Variants in VAPA observed in about 807,000 individuals in gnomAD.
The protein encoded by VAPA is vesicle-associated membrane protein-associated protein A.
Under a neutral mutation model 25.6 loss-of-function variants are expected in VAPA, and 6 were observed. The observed-to-expected ratio is 0.23, with a 90% confidence interval of 0.13 to 0.46. The LOEUF is 0.46. VAPA is among the 20% of genes least tolerant of loss of function. VAPA has a pLI of 0.99. For missense variants in VAPA, 244 were observed against 302.1 expected (o/e 0.81, Z 1.43); for synonymous variants, 112 against 106.2 (o/e 1.05, Z -0.34).
rs200684323 is a variant in VAPA, at chr18:9,914,267, C to T, written c.11C>T (p.Ala4Val). 3 of 1,585,286 alleles carry T rather than the reference C, an allele frequency of 1.9e-6. No homozygotes were observed. Among genetic ancestry groups the T allele is most frequent in the Non-Finnish European group, 2.6e-6 (3 of 1,167,444 alleles). Residue 4 changes from alanine (A) to valine (V), a missense_variant, in exon 1 of 6, where the codon GCC (alanine) becomes GTC (valine). Ala to Val is a moderately conservative substitution (Grantham distance 64). Transcript: ENST00000400000. Reference protein sequence around the residue: MASASGAMAKHEQI... With the variant: MASVSGAMAKHEQI... Reference sequence around the variant, plus strand: ...TGCGCTGTCTCTCCGATGGCGTCCGCCTCAGGGGCCATGGCGAAGCACGAG... The same window carrying T: ...TGCGCTGTCTCTCCGATGGCGTCCGTCTCAGGGGCCATGGCGAAGCACGAG...
At chr18:9,936,749 G>C in intron 3 of VAPA, 1 of 437,764 alleles carries the variant, frequency 2.3e-6, no homozygotes, top group Middle Eastern at 3.6e-4. Context: ...TAAGAAGAAA[G>C]TCCTATGGTT....
intron 2 of VAPA, among the ~76,000 whole-genome samples, chr18:9,934,233 T>G (rs2069285697): frequency 6.6e-6 from 1 of 152,242 alleles, no homozygotes; most frequent in South Asian, 2.1e-4. Context: ...CTTTTGACGC[T>G]TTGTTTTTTG....
At chr18:9,924,600 C>T (rs1441436810) in intron 1 of VAPA, among the ~76,000 whole-genome samples, 1 of 152,090 alleles carries the variant, frequency 6.6e-6, no homozygotes, top group Non-Finnish European at 1.5e-5. Context: ...ACTCCTAAAA[C>T]GTTTAAGGTA....
chr18:9,914,979 GC>G (rs142807963), intron 1 of VAPA: 9,073 of 152,472 alleles, frequency 0.06, 296 homozygotes, highest in South Asian at 0.14. Context: ...TTAGAACTCG[GC>G]CGTCAGGTGT....
chr18:9,950,237 G>A, intron 4 of VAPA, 158 bp from the exon 5 acceptor site: 1 of 657,020 alleles, frequency 1.5e-6, no homozygotes, highest in Non-Finnish European at 2.6e-6. Context: ...AGAGGGAGTG[G>A]GCTGGTTATT....
At chr18:9,931,154 A>G (rs187174956) in intron 1 of VAPA, among the ~76,000 whole-genome samples, 7 of 152,282 alleles carry the variant, frequency 4.6e-5, no homozygotes, top group Admixed American at 3.9e-4. Flanking sequence ...ACAGGTATTT[A>G]TTTTGTTGTC....
intron 1 of VAPA, among the ~76,000 whole-genome samples, chr18:9,918,394 C>G (rs780402838): frequency 6.6e-6 from 1 of 152,134 alleles, no homozygotes; most frequent in Non-Finnish European, 1.5e-5. Flanking sequence ...TTTCCAGTTA[C>G]TCACCTTTTA....
intron 2 of VAPA, 22 bp downstream of exon 2, chr18:9,931,984 T>G (rs2069260096): frequency 6.6e-7 from 1 of 1,515,942 alleles, no homozygotes; most frequent in African/African-American, 1.4e-5. Flanking sequence ...TGTTCTGAAT[T>G]TATGTACATT....
chr18:9,916,520 A>C (rs2069113384), intron 1 of VAPA, among the ~76,000 whole-genome samples: 1 of 152,216 alleles, frequency 6.6e-6, no homozygotes, highest in Non-Finnish European at 1.5e-5. Context: ...CTGGTACTTA[A>C]ATGCCCAATA....
At chr18:9,925,256 A>G (rs935477800) in intron 1 of VAPA, among the ~76,000 whole-genome samples, 2 of 151,698 alleles carry the variant, frequency 1.3e-5, no homozygotes, top group Admixed American at 6.6e-5. Flanking sequence ...ATTGTATAAT[A>G]TGATTGTATA....
chr18:9,951,618 A>G (rs29112), intron 5 of VAPA, among the ~76,000 whole-genome samples: 240 of 152,358 alleles, frequency 1.6e-3, no homozygotes, highest in Non-Finnish European at 3.0e-3. Flanking sequence ...TTGACAAGTA[A>G]TTACTTGTTT....
At chr18:9,917,308 ATTTTT>A (rs1436257084) in intron 1 of VAPA, among the ~76,000 whole-genome samples, 1 of 151,932 alleles carries the variant, frequency 6.6e-6, no homozygotes, top group South Asian at 2.1e-4. Context: ...GTTTTTTTAA[ATTTTT>A]TTATTTTTTG....
At chr18:9,938,507 G>A (rs796612649) in intron 4 of VAPA, among the ~76,000 whole-genome samples, 21 of 152,306 alleles carry the variant, frequency 1.4e-4, no homozygotes, top group African/African-American at 3.9e-4. Context: ...ATCCAAGAAA[G>A]TAGTTTTGGG....
At chr18:9,923,090 G>GT (rs2143298263) in intron 1 of VAPA, among the ~76,000 whole-genome samples, 1 of 152,154 alleles carries the variant, frequency 6.6e-6, no homozygotes, top group East Asian at 1.9e-4. Context: ...AGAAACCTCC[G>GT]TATCATTTTT....
intron 1 of VAPA, among the ~76,000 whole-genome samples, chr18:9,923,019 A>G (rs997587642): frequency 6.6e-6 from 1 of 152,234 alleles, no homozygotes; most frequent in South Asian, 2.1e-4. Context: ...TGTAATTGTT[A>G]TTCTGTAACA....
intron 1 of VAPA, among the ~76,000 whole-genome samples, chr18:9,924,232 T>C (rs572914299): frequency 6.6e-6 from 1 of 152,332 alleles, no homozygotes; most frequent in South Asian, 2.1e-4. Context: ...TACCTTCTTT[T>C]CTATTTCTTT....
At chr18:9,937,754 A>G (rs552055028) in intron 4 of VAPA, among the ~76,000 whole-genome samples, 83 of 152,230 alleles carry the variant, frequency 5.5e-4, no homozygotes, top group Admixed American at 1.8e-3. Context: ...CTGTGTGTGT[A>G]TGTGACTTAA....
In VAPA at chr18:9,954,080, G is replaced by A; in HGVS notation, c.619G>A (p.Ala207Thr). The change falls in exon 6 of 6, where the codon GCA becomes ACA. Residue 207 changes from alanine (A) to threonine (T), a missense_variant. Physicochemically the swap from Ala to Thr is moderately conservative, Grantham distance 58. This residue lies in a region of VAPA where 145 missense variants were observed against 140.6 expected (regional missense o/e 1.03). Coordinates refer to ENST00000400000, the MANE Select transcript of VAPA (RefSeq NM_194434.3). Reference protein sequence around the residue: ...RDEGLRLRKVAHSDKPGSTST... With the variant: ...RDEGLRLRKVTHSDKPGSTST... The stretch of plus-strand genomic sequence containing the variant: ...TGAAGGTTTAAGGCTCAGAAAGGTA[G>A]CACATTCGGATAAACCTGGATCAAC... The A allele has an allele frequency of 6.2e-7, 1 of 1,613,996 alleles. No homozygotes were observed. Among genetic ancestry groups the A allele is most frequent in the Non-Finnish European group, 8.5e-7 (1 of 1,179,966 alleles).
chr18:9,935,346 C>T (rs182697842), intron 2 of VAPA, among the ~76,000 whole-genome samples: 13 of 152,180 alleles, frequency 8.5e-5, no homozygotes, highest in African/African-American at 2.9e-4. Context: ...CTGAGGAGGG[C>T]GGATCTCTTG....
Sources: allele counts gnomAD v4.1 joint callset (sites outside exome capture counted in the v4.1 genomes callset), GRCh38; gene constraint gnomAD v4.1.1; regional missense constraint gnomAD v4.1.1; transcripts MANE v1.5; gene names NCBI Gene and HGNC (gene_info 2026-07-23, HGNC 2026-07-21).